SPOCK3: variants seen among roughly 807,000 people sequenced by gnomAD.
SPOCK3 encodes testican-3.
Under a neutral mutation model 56.6 loss-of-function variants are expected in SPOCK3, and 30 were observed. The ratio of observed to expected loss-of-function variants is 0.53; its 90% CI spans 0.40 to 0.72. SPOCK3 has a LOEUF of 0.72. Among genes scored for constraint, SPOCK3 ranks in the 30% least tolerant of loss-of-function variants. SPOCK3 has a pLI of 0.00. For synonymous variants in SPOCK3, 196 were observed against 183.3 expected, an observed-to-expected ratio of 1.07 and a Z score of -0.56; for missense variants, 527 against 530.0, an observed-to-expected ratio of 0.99 and a Z score of 0.06.
At chr4:167,207,842 G>A (rs1734503165) in intron 2 of SPOCK3, among the ~76,000 whole-genome samples, 1 of 151,868 alleles carries the variant, frequency 6.6e-6, no homozygotes, top group Non-Finnish European at 1.5e-5. Flanking sequence ...TGCACATTGT[G>A]CACATGCACC....
In SPOCK3 at chr4:167,000,472, A is replaced by G. The variant is rs756671647; in HGVS notation, c.236-9T>C. The stretch of plus-strand genomic sequence containing the variant: ...CTTAGCTGGATCTAAAGCTAAAAAA[A>G]TTGCAAAGAAAATATTAAAATAAGC... On this transcript the variant is annotated splice_polypyrimidine_tract_variant and intron_variant, in intron 3 of 10. Coordinates refer to ENST00000357545, the MANE Select transcript of SPOCK3 (RefSeq NM_001040159.2). 5.6e-5 allele frequency: 79 copies of G among 1,409,654 alleles called. 2 individuals carry two copies. In the Middle Eastern group the frequency reaches 0.011, roughly 195 times the overall value. The allele number at this position is 1,409,654 out of a possible 1,614,324, so 87.3% of individuals were successfully genotyped here. A position where few individuals can be genotyped will look rare whatever the true frequency, so the allele number is the denominator to read the frequency against.
intron 4 of SPOCK3, among the ~76,000 whole-genome samples, chr4:166,960,476 C>T (rs1373475916): frequency 6.6e-6 from 1 of 152,068 alleles, no homozygotes; most frequent in Non-Finnish European, 1.5e-5. Flanking sequence ...ATACTCATTA[C>T]CCCAGAATAT....
At chr4:167,175,025 T>C (rs2150476617) in intron 2 of SPOCK3, among the ~76,000 whole-genome samples, 1 of 152,240 alleles carries the variant, frequency 6.6e-6, no homozygotes, top group East Asian at 1.9e-4. Flanking sequence ...TGCCACGTGC[T>C]ATGTTAGACA....
intron 4 of SPOCK3, among the ~76,000 whole-genome samples, chr4:166,987,214 T>C (rs879137643): frequency 1.3e-5 from 2 of 152,184 alleles, no homozygotes; most frequent in Non-Finnish European, 2.9e-5. Context: ...TACTGTTTTA[T>C]GGGAACATGC....
intron 7 of SPOCK3, among the ~76,000 whole-genome samples, chr4:166,767,090 T>C (rs1185967398): frequency 6.6e-6 from 1 of 152,188 alleles, no homozygotes; most frequent in Admixed American, 6.5e-5. Context: ...TTCTTCTTTA[T>C]TACTCTGGCT....
intron 4 of SPOCK3, among the ~76,000 whole-genome samples, chr4:166,956,891 G>A (rs916487083): frequency 2.0e-5 from 3 of 151,934 alleles, no homozygotes; most frequent in South Asian, 4.2e-4. Context: ...CTTGCCTCTC[G>A]CTTACTTCAT....
rs28845832 is a variant in SPOCK3, at chr4:166,765,866, G to A, written c.710-11137C>T. Among the ~76,000 whole-genome samples the A allele has an allele frequency of 9.6e-3, 1,462 of 152,220 alleles. 28 individuals are homozygous for A. The highest frequency in any genetic ancestry group is 0.033 in the African/African-American group (1,384 of 41,526). ...TTTGTATCCTCTTTTATTTTGTTGAGCAGTGGTTTGCTGTTCTCCTTGAAG... is the reference window on the plus strand; with the variant it reads ...TTTGTATCCTCTTTTATTTTGTTGAACAGTGGTTTGCTGTTCTCCTTGAAG... On this transcript the variant is annotated intron_variant, in intron 7 of 10. Coordinates refer to ENST00000357545, the MANE Select transcript of SPOCK3 (RefSeq NM_001040159.2).
intron 2 of SPOCK3, among the ~76,000 whole-genome samples, chr4:167,154,203 C>T (rs986297189): frequency 1.3e-5 from 2 of 152,042 alleles, no homozygotes; most frequent in African/African-American, 4.8e-5. Context: ...CACACACATA[C>T]ACACACATGC....
At chr4:166,804,362 C>T (rs767894511) in intron 6 of SPOCK3, among the ~76,000 whole-genome samples, 1 of 152,018 alleles carries the variant, frequency 6.6e-6, no homozygotes, top group African/African-American at 2.4e-5. Context: ...TGGATTAGGA[C>T]CCACCCATGT....
intron 3 of SPOCK3, among the ~76,000 whole-genome samples, chr4:167,051,952 A>G (rs1754251999): frequency 6.6e-6 from 1 of 152,222 alleles, no homozygotes; most frequent in Admixed American, 6.5e-5. Flanking sequence ...TTACAATTTA[A>G]TAACATATAA....
intron 6 of SPOCK3, among the ~76,000 whole-genome samples, chr4:166,804,989 C>A (rs554601884): frequency 6.6e-6 from 1 of 152,042 alleles, no homozygotes; most frequent in East Asian, 1.9e-4. Context: ...TGCTTTCAAC[C>A]AATATGCATC....
chr4:167,233,431 T>C (rs957594333), intron 2 of SPOCK3, among the ~76,000 whole-genome samples: 2 of 152,172 alleles, frequency 1.3e-5, no homozygotes, highest in Non-Finnish European at 2.9e-5. Context: ...TAAAGTCATG[T>C]CGAAGCACAA....
At chr4:166,796,257 GAATT>G (rs1330761881) in intron 6 of SPOCK3, among the ~76,000 whole-genome samples, 3 of 152,084 alleles carry the variant, frequency 2.0e-5, no homozygotes, top group Non-Finnish European at 2.9e-5. Context: ...TCAAGAACAT[GAATT>G]TATTAAAGAA....
chr4:167,189,715 T>C lies in SPOCK3; in HGVS notation c.189+44270A>G, dbSNP rs149794394. Reference sequence around the variant, plus strand: ...TAACTACAGTCACACTCACACACTGTACATTAAATCCCCAGAACTTTTTCA... The same window carrying C: ...TAACTACAGTCACACTCACACACTGCACATTAAATCCCCAGAACTTTTTCA... On this transcript the variant is annotated intron_variant, in intron 2 of 10. Transcript: ENST00000357545. 6.2e-4 allele frequency among the ~76,000 whole-genome samples: 91 copies of C among 145,706 alleles called. 16 individuals carry two copies. The highest frequency in any genetic ancestry group is 2.2e-3 in the African/African-American group (83 of 38,250).
chr4:167,069,635 T>C (rs958474823), intron 2 of SPOCK3, among the ~76,000 whole-genome samples: 2 of 151,934 alleles, frequency 1.3e-5, no homozygotes, highest in South Asian at 4.1e-4. Flanking sequence ...AGGTCAAGCA[T>C]GTCTTTCATA....
At chr4:166,890,532 T>G (rs894263191) in intron 5 of SPOCK3, among the ~76,000 whole-genome samples, 8 of 152,010 alleles carry the variant, frequency 5.3e-5, no homozygotes, top group Non-Finnish European at 7.4e-5. Context: ...GGCTAACTTC[T>G]TAGTTTAGTT....
At chr4:167,131,527 T>C (rs899283874) in intron 2 of SPOCK3, among the ~76,000 whole-genome samples, 4 of 152,006 alleles carry the variant, frequency 2.6e-5, no homozygotes, top group Non-Finnish European at 5.9e-5. Context: ...CACTTGAACC[T>C]GGGAGGCGGA....
chr4:167,004,646 A>G (rs1299557252), intron 3 of SPOCK3, among the ~76,000 whole-genome samples: 1 of 152,178 alleles, frequency 6.6e-6, no homozygotes, highest in African/African-American at 2.4e-5. Flanking sequence ...ACCTGATCTA[A>G]GATAAATGGG....
At chr4:167,157,002 C>T (rs758755853) in intron 2 of SPOCK3, among the ~76,000 whole-genome samples, 3 of 152,086 alleles carry the variant, frequency 2.0e-5, no homozygotes, top group Non-Finnish European at 2.9e-5. Flanking sequence ...TGCTGGATCT[C>T]TTGCATTAAG....
Sources: gnomAD v4.1 joint callset for allele counts (sites outside exome capture counted in the v4.1 genomes callset) on GRCh38, gnomAD v4.1.1 for gene constraint, MANE v1.5 for transcripts, NCBI Gene and HGNC (gene_info 2026-07-23, HGNC 2026-07-21) for gene names.